The following YES1 variants were observed in gnomAD, a reference collection of about 807,000 sequenced individuals.
The protein encoded by YES1 is tyrosine-protein kinase Yes.
A neutral mutation model predicts 70.4 loss-of-function variants in YES1; 39 were observed. The ratio of observed to expected loss-of-function variants is 0.55; its 90% confidence interval spans 0.43 to 0.72. The LOEUF (loss-of-function observed/expected upper bound fraction) is 0.72, where lower values mean the gene tolerates loss of function less well. Ranked by LOEUF, YES1 falls within the 30% of genes least tolerant of loss-of-function variation. The pLI is 0.00. For missense variants in YES1, 495 were observed against 644.8 expected, an observed-to-expected ratio of 0.77 and a Z score of 2.52; for synonymous variants, 198 against 218.6, an observed-to-expected ratio of 0.91 and a Z score of 0.83.
At chr18:769,480 A>G (rs555701326) in intron 1 of YES1, among the ~76,000 whole-genome samples, 4 of 152,318 alleles carry the variant, frequency 2.6e-5, no homozygotes, top group East Asian at 3.9e-4. Flanking sequence ...TGAGGAGAGA[A>G]TATCTATGCC....
intron 4 of YES1, among the ~76,000 whole-genome samples, chr18:747,128 T>C (rs1238453425): frequency 6.6e-6 from 1 of 151,788 alleles, no homozygotes; most frequent in Admixed American, 6.5e-5. Flanking sequence ...AATCATAAAA[T>C]GATAATAAAT....
chr18:804,925 A>AAAAAAAAAAAC (rs1555692642), intron 1 of YES1, among the ~76,000 whole-genome samples: 3 of 150,810 alleles, frequency 2.0e-5, no homozygotes, highest in African/African-American at 7.3e-5. Flanking sequence ...AAAAAAAAAA[A>AAAAAAAAAAAC]CACAAACCAA....
intron 1 of YES1, among the ~76,000 whole-genome samples, chr18:798,928 CA>C (rs961272393): frequency 1.3e-5 from 2 of 152,204 alleles, no homozygotes; most frequent in African/African-American, 4.8e-5. Flanking sequence ...CTAGAATTTA[CA>C]TATCACTAGC....
chr18:761,628 C>G (rs1025784449), intron 1 of YES1, among the ~76,000 whole-genome samples: 2 of 152,164 alleles, frequency 1.3e-5, no homozygotes, highest in African/African-American at 4.8e-5. Context: ...CATTACTATG[C>G]TTAACCTGTC....
intron 1 of YES1, among the ~76,000 whole-genome samples, chr18:790,431 A>G (rs1305093639): frequency 6.6e-6 from 1 of 152,192 alleles, no homozygotes; most frequent in African/African-American, 2.4e-5. Context: ...TCATACTGAG[A>G]TTTCTGTTTC....
intron 1 of YES1, among the ~76,000 whole-genome samples, chr18:803,210 G>A (rs2145837566): frequency 6.6e-6 from 1 of 152,300 alleles, no homozygotes; most frequent in Non-Finnish European, 1.5e-5. Context: ...ATTCCAGCCT[G>A]GGTGTCAGAG....
At position 796,274 on chromosome 18, in the gene YES1, A is replaced by AC. The variant is rs1371757985; in HGVS notation, c.-9+15839_-9+15840insG. ...CCTAGCGTGTAATTTGAGTAAATTT[A>AC]ACCTCTTGAAGCCTATTTCTTTATC... On this transcript the variant is annotated intron_variant, in intron 1 of 11. Coordinates refer to ENST00000314574, the MANE Select transcript of YES1 (RefSeq NM_005433.4). Among the ~76,000 whole-genome samples the AC allele has an allele frequency of 1.0e-3, 159 of 152,298 alleles. 2 individuals are homozygous for AC. In the South Asian group the frequency reaches 0.029, roughly 28 times the overall value.
At chr18:762,956 T>C (rs1904671076) in intron 1 of YES1, among the ~76,000 whole-genome samples, 1 of 152,202 alleles carries the variant, frequency 6.6e-6, no homozygotes, top group Admixed American at 6.5e-5. Flanking sequence ...ACAAATGTTA[T>C]CAGCTCTGCT....
chr18:812,120 T>G lies in YES1; in HGVS notation c.-15A>C, dbSNP rs1463356188. 6.5e-6 allele frequency: 1 copy of G among 152,728 alleles called. No homozygotes were observed. The highest frequency in any genetic ancestry group is 1.5e-5 in the Non-Finnish European group (1 of 68,018). The allele number at this position is 152,728 out of a possible 1,614,324, so 9.5% of individuals were successfully genotyped here. A position where few individuals can be genotyped will look rare whatever the true frequency, so the allele number is the denominator to read the frequency against. ...GGCCCCACCGGGTCCTTACCTGTCCTCCGGCCGCGCTCTCATGAGTCGCTG... is the reference window on the plus strand; with the variant it reads ...GGCCCCACCGGGTCCTTACCTGTCCGCCGGCCGCGCTCTCATGAGTCGCTG... On this transcript the variant is annotated 5_prime_UTR_variant, in exon 1 of 12. Coordinates refer to ENST00000314574, the MANE Select transcript of YES1 (RefSeq NM_005433.4).
chr18:811,562 C>T (rs927849723), intron 1 of YES1, among the ~76,000 whole-genome samples: 1 of 152,162 alleles, frequency 6.6e-6, no homozygotes, highest in African/African-American at 2.4e-5. Context: ...TGGTAAATTT[C>T]CCAACCCCCA....
At chr18:808,536 G>T (rs1907214373) in intron 1 of YES1, among the ~76,000 whole-genome samples, 1 of 152,178 alleles carries the variant, frequency 6.6e-6, no homozygotes, top group Admixed American at 6.5e-5. Context: ...TTATAAAACT[G>T]TTTAAATGTG....
chr18:778,784 GATAGGC>G (rs763702147), intron 1 of YES1, among the ~76,000 whole-genome samples: 23 of 152,190 alleles, frequency 1.5e-4, no homozygotes, highest in Admixed American at 8.5e-4. Context: ...AAGCACAAAG[GATAGGC>G]AGGACCATAA....
intron 1 of YES1, chr18:787,996 A>G (rs1568214947): frequency 6.6e-6 from 1 of 152,230 alleles, no homozygotes; most frequent in Non-Finnish European, 1.5e-5. Flanking sequence ...GCTGGGAGAC[A>G]GGAAAACAGC....
intron 1 of YES1, among the ~76,000 whole-genome samples, chr18:792,860 AGG>A (rs11356301): frequency 6.6e-6 from 1 of 151,098 alleles, no homozygotes; most frequent in African/African-American, 2.4e-5. Context: ...ATAAAAGCCA[AGG>A]GGGGGGAAAA....
At chr18:763,101 A>G (rs996690480) in intron 1 of YES1, among the ~76,000 whole-genome samples, 2 of 152,196 alleles carry the variant, frequency 1.3e-5, no homozygotes, top group African/African-American at 4.8e-5. Flanking sequence ...GATGCTTGAA[A>G]CAGCATGGTT....
At chr18:790,367 A>G (rs1323353336) in intron 1 of YES1, among the ~76,000 whole-genome samples, 2 of 152,034 alleles carry the variant, frequency 1.3e-5, no homozygotes, top group Non-Finnish European at 2.9e-5. Flanking sequence ...CAAGAGTAAA[A>G]CTCCGTCTCA....
At chr18:750,218 A>C (rs959249023) in intron 3 of YES1, among the ~76,000 whole-genome samples, 3 of 152,224 alleles carry the variant, frequency 2.0e-5, no homozygotes, top group African/African-American at 7.2e-5. Context: ...TATACTAAGC[A>C]CTTTCAGATA....
intron 3 of YES1, 53 bp downstream of exon 3, chr18:751,652 T>C: frequency 8.1e-7 from 1 of 1,239,052 alleles, no homozygotes; most frequent in Non-Finnish European, 1.2e-6. Flanking sequence ...GGTTCCTGTG[T>C]AAAGACCAGA....
chr18:743,215 T>C (rs753298023), intron 7 of YES1, 45 bp downstream of exon 7: 11 of 1,588,460 alleles, frequency 6.9e-6, no homozygotes, highest in Non-Finnish European at 6.9e-6. Context: ...TGCACTTTAA[T>C]CCACAGCTAA....
Sources: gnomAD v4.1 joint callset for allele counts (sites outside exome capture counted in the v4.1 genomes callset) on GRCh38, gnomAD v4.1.1 for gene constraint, MANE v1.5 for transcripts, NCBI Gene and HGNC (gene_info 2026-07-23, HGNC 2026-07-21) for gene names.